Variants in ARHGEF40 observed in about 807,000 individuals in gnomAD.
ARHGEF40 encodes the protein Rho guanine nucleotide exchange factor (GEF) 40.
In ARHGEF40, 98 loss-of-function variants were observed where a neutral mutation model predicts 165.9. The ratio of observed to expected loss-of-function variants is 0.59; its 90% CI spans 0.50 to 0.70. The LOEUF (loss-of-function observed/expected upper bound fraction) is 0.70. Ranked by LOEUF, ARHGEF40 falls within the 30% of genes least tolerant of loss-of-function variation. ARHGEF40 has a pLI of 0.00. For synonymous variants in ARHGEF40, 792 were observed against 814.3 expected, an observed-to-expected ratio of 0.97 and a Z score of 0.47; for missense variants, 1,815 against 1,968.0, an observed-to-expected ratio of 0.92 and a Z score of 1.47.
chr14:21,064,342 C>T, the ARHGEF40 span, among the ~76,000 whole-genome samples: 1 of 151,932 alleles, frequency 6.6e-6, no homozygotes, highest in Non-Finnish European at 1.5e-5. Context: ...CTCTCTGTTG[C>T]CCAGGCTGCA....
chr14:21,084,007 G>A lies in ARHGEF40; in HGVS notation c.3746G>A (p.Arg1249His), dbSNP rs376973966. The A allele has an allele frequency of 1.6e-5, 25 of 1,612,212 alleles. No individual in the cohort carries two copies. Among genetic ancestry groups the A allele is most frequent in the Admixed American group, 5.0e-5 (3 of 59,910 alleles). ...AVQLLREQEA[R>H]GRDLLAVEAV... The stretch of plus-strand genomic sequence containing the variant: ...CAGCTGCTCCGGGAACAAGAGGCCC[G>A]TGGCAGAGACCTGCTGGCCGTGGAG... The change falls in exon 17 of 24, where the codon CGT becomes CAT. Residue 1249 changes from arginine to histidine, a missense_variant. Transcript: ENST00000298694.
Position 21,074,275 on chromosome 14 carries a change from T to C in ARHGEF40, c.545T>C (p.Ile182Thr). 1.2e-6 allele frequency: 2 copies of C among 1,614,112 alleles called. No individual in the cohort carries two copies. Among genetic ancestry groups the C allele is most frequent in the Non-Finnish European group, 1.7e-6 (2 of 1,180,024 alleles). ...CAGCGGCTGCCCTGGGCTGAGCTCATCTGTCCACGATTTGTGCACAAAGAG... is the reference window on the plus strand; with the variant it reads ...CAGCGGCTGCCCTGGGCTGAGCTCACCTGTCCACGATTTGTGCACAAAGAG... ...GIQRLPWAEL[I>T]CPRFVHKEGL... The change falls in exon 3 of 24, where the codon ATC becomes ACC. Residue 182 changes from isoleucine (I) to threonine (T), a missense_variant. By Grantham distance (89) the Ile-to-Thr change is moderately conservative (BLOSUM62 -1). Transcript: ENST00000298694. This position sits in a 1 kb window ranked among gnomAD's most constrained non-coding sequence, Gnocchi z 4.8.
In ARHGEF40 at chr14:21,070,390, C is replaced by T; in HGVS notation, c.-7C>T. On this transcript the variant is annotated 5_prime_UTR_variant, in exon 1 of 24. Coordinates refer to ENST00000298694, the MANE Select transcript of ARHGEF40 (RefSeq NM_018071.5). This position sits in a 1 kb window ranked among gnomAD's most constrained non-coding sequence, Gnocchi z 4.7. ...ACCAAGCGTCGGACGCGGCCCGGCG[C>T]CGAGCCATGGTGAGTCCAGCGTCGC... 1.4e-6 allele frequency: 2 copies of T among 1,413,150 alleles called. No homozygotes were observed. The highest frequency in any genetic ancestry group is 9.2e-7 in the Non-Finnish European group (1 of 1,092,482). 87.5% of individuals were successfully genotyped at this position (1,413,150 alleles called of 1,614,324 possible).
At position 21,090,157 on chromosome 14, in the gene ARHGEF40, CTACAGGGCCCCTGATGGGGCTAGAAGGG is replaced by C; in HGVS notation, c.*1155_*1182del. The C allele has an allele frequency of 2.0e-6, 1 of 494,588 alleles. No homozygotes were observed. Among genetic ancestry groups the C allele is most frequent in the Non-Finnish European group, 3.9e-6 (1 of 254,058 alleles). The allele number at this position is 494,588 out of a possible 1,614,324, so 30.6% of individuals were successfully genotyped here. ...GGAATCGTACCAAAAATAGCGACGTCTACAGGGCCCCTGATGGGGCTAGAAGGGTACAGTGCCCCCCACCCTCACCCCT... is the reference window on the plus strand; with the variant it reads ...GGAATCGTACCAAAAATAGCGACGTCTACAGTGCCCCCCACCCTCACCCCT... On this transcript the variant is annotated 3_prime_UTR_variant, in exon 24 of 24. Transcript: ENST00000298694. This position sits in a 1 kb window ranked among gnomAD's most constrained non-coding sequence, Gnocchi z 4.4.
intron 22 of ARHGEF40, 30 bp from the exon 23 acceptor site, chr14:21,088,800 C>T: frequency 6.6e-7 from 1 of 1,524,196 alleles, no homozygotes; most frequent in Non-Finnish European, 8.8e-7. Flanking sequence ...AAATATGTCC[C>T]TAAATTCACT....
chr14:21,075,755 T>C lies in ARHGEF40; in HGVS notation c.1729T>C (p.Ser577Pro). Residue 577 changes from serine to proline, a missense_variant, in exon 5 of 24, where the codon TCA becomes CCA. By Grantham distance (74) the Ser-to-Pro change is moderately conservative. Transcript: ENST00000298694. This position sits in a 1 kb window ranked among gnomAD's most constrained non-coding sequence, Gnocchi z 4.5. ...GAACACAACTCTTCATTACCTCCAC[T>C]CACTGCTCAGGTAACCGAGGCCCAG... is the stretch of plus-strand genomic sequence containing the variant. ...TLNTTLHYLH[S>P]LLRPDLQTLG... is the part of the protein sequence containing the mutation. 6.2e-7 allele frequency: 1 copy of C among 1,613,084 alleles called. No homozygotes were observed. Among genetic ancestry groups the C allele is most frequent in the Non-Finnish European group, 8.5e-7 (1 of 1,179,780 alleles).
rs1888115922 is a variant in ARHGEF40, at chr14:21,083,735, C to T, written c.3574-100C>T. On this transcript the variant is annotated intron_variant, in intron 16 of 23. Transcript: ENST00000298694. ...AGGGAGCATCTGGGCTTCATCTATACCCAAAAGCCTAGGGTATCACCCACC... is the reference window on the plus strand; with the variant it reads ...AGGGAGCATCTGGGCTTCATCTATATCCAAAAGCCTAGGGTATCACCCACC... 2.7e-6 allele frequency: 3 copies of T among 1,112,346 alleles called. No individual in the cohort carries two copies. The South Asian group carries it at 4.7e-5, about 18-fold the overall frequency. 68.9% of individuals were successfully genotyped at this position (1,112,346 alleles called of 1,614,324 possible). A position where few individuals can be genotyped will look rare whatever the true frequency, so the allele number is the denominator to read the frequency against.
At position 21,087,363 on chromosome 14, in the gene ARHGEF40, T is replaced by C. The variant is rs754393813; in HGVS notation, c.4287T>C (p.His1429=). ...RASVAVSSFE[H]AGPSLPGLSP... The stretch of plus-strand genomic sequence containing the variant: ...CCGTGGCCGTGTCATCCTTTGAGCA[T>C]GCCGGCCCCTCCCTTCCCGGCCTTT... The change falls in exon 21 of 24, where the codon CAT becomes CAC. Residue 1429 remains histidine, a synonymous_variant. Coordinates refer to ENST00000298694, the MANE Select transcript of ARHGEF40 (RefSeq NM_018071.5). The C allele has an allele frequency of 6.2e-7, 1 of 1,605,628 alleles. No individual in the cohort carries two copies. The highest frequency in any genetic ancestry group is 2.2e-5 in the East Asian group (1 of 44,864).
chr14:21,085,621 C>A, intron 18 of ARHGEF40, 68 bp from the exon 19 acceptor site: 1 of 1,551,550 alleles, frequency 6.4e-7, no homozygotes, highest in Non-Finnish European at 8.7e-7. Flanking sequence ...AAGCCCAGTG[C>A]TTGCCATGTG....
rs565935126 is a variant in ARHGEF40 at position 21,082,593 on chromosome 14, C to G, written c.3486+115C>G. 30 of 1,272,000 alleles carry G rather than the reference C, an allele frequency of 2.4e-5. No individual in the cohort carries two copies. In the African/African-American group the frequency reaches 4.4e-4, roughly 19 times the overall value. The allele number at this position is 1,272,000 out of a possible 1,614,324, so 78.8% of individuals were successfully genotyped here. On this transcript the variant is annotated intron_variant, in intron 15 of 23. Coordinates refer to ENST00000298694, the MANE Select transcript of ARHGEF40 (RefSeq NM_018071.5). ...TCTCCTCCCATGTGTGGTCCATGAC[C>G]TTGGGGCCCAGCCCTGTTCTGTGGG...
rs966097048 is a variant in ARHGEF40, at chr14:21,081,666, C to T, written c.2798C>T (p.Ala933Val). The T allele has an allele frequency of 6.2e-7, 1 of 1,600,580 alleles. No individual in the cohort carries two copies. The highest frequency in any genetic ancestry group is 1.7e-5 in the Admixed American group (1 of 57,738). Reference sequence around the variant, plus strand: ...CTGGCCCTGGACCTGGGCAGCCCAGCAGCCCTGCGAGAATGGGGCCGCTGC... The same window carrying T: ...CTGGCCCTGGACCTGGGCAGCCCAGTAGCCCTGCGAGAATGGGGCCGCTGC... ...RALALDLGSPAALREWGRCQA... is the reference protein window; with the variant it reads ...RALALDLGSPVALREWGRCQA... Residue 933 changes from alanine to valine, a missense_variant, in exon 14 of 24, where the codon GCA (alanine) becomes GTA (valine). Ala to Val is a moderately conservative substitution (Grantham distance 64). Coordinates refer to ENST00000298694, the MANE Select transcript of ARHGEF40 (RefSeq NM_018071.5).
intron 1 of ARHGEF40, among the ~76,000 whole-genome samples, chr14:21,071,191 G>A (rs1886805097): frequency 6.6e-6 from 1 of 152,206 alleles, no homozygotes; most frequent in Admixed American, 6.5e-5. Context: ...GCAACTTGGG[G>A]CGCTGGACGC....
At chr14:21,083,797 C>T in intron 16 of ARHGEF40, 38 bp from the exon 17 acceptor site, 1 of 1,587,446 alleles carries the variant, frequency 6.3e-7, no homozygotes. Flanking sequence ...CCAGAGGCTC[C>T]ACCCCTCCCC....
chr14:21,082,954 A>C (rs771313047), intron 16 of ARHGEF40, 37 bp downstream of exon 16: 6 of 1,597,506 alleles, frequency 3.8e-6, no homozygotes, highest in Non-Finnish European at 5.1e-6. Context: ...AAAAGTAGAG[A>C]GGCCAGAAAG....
In ARHGEF40 at chr14:21,077,460, G is replaced by A. The variant is rs369753410; in HGVS notation, c.2034+570G>A. 3.9e-5 allele frequency among the ~76,000 whole-genome samples: 6 copies of A among 152,062 alleles called. 1 individual carries two copies. The highest frequency in any genetic ancestry group is 1.4e-4 in the African/African-American group (6 of 41,476). ...TGACATTAAGTAGTGTATGATTTTTGGTGGGAGATAAATCATGAAACAAGT... is the reference window on the plus strand; with the variant it reads ...TGACATTAAGTAGTGTATGATTTTTAGTGGGAGATAAATCATGAAACAAGT... On this transcript the variant is annotated intron_variant, in intron 8 of 23. Transcript: ENST00000298694.
In ARHGEF40 at chr14:21,070,858, C is replaced by A. The variant is rs1886744730; in HGVS notation, c.3+459C>A. On this transcript the variant is annotated intron_variant, in intron 1 of 23. Coordinates refer to ENST00000298694, the MANE Select transcript of ARHGEF40 (RefSeq NM_018071.5). The surrounding 1 kb of genome is among the most constrained non-coding windows in gnomAD (Gnocchi z 4.7). ...TGGAACCACCATTTTCCATCCCTGTCCCCAACCCGGTGAGGCAGGCCCACC... is the reference window on the plus strand; with the variant it reads ...TGGAACCACCATTTTCCATCCCTGTACCCAACCCGGTGAGGCAGGCCCACC... 1 of 1,535,658 alleles carries A rather than the reference C, an allele frequency of 6.5e-7. No homozygotes were observed. Among genetic ancestry groups the A allele is most frequent in the South Asian group, 1.2e-5 (1 of 84,066 alleles).
In ARHGEF40 at chr14:21,075,729, T is replaced by C; in HGVS notation, c.1703T>C (p.Leu568Pro). ...GAGCCCCCACCCTCCCGAGACACGCTGAACACAACTCTTCATTACCTCCAC... is the reference window on the plus strand; with the variant it reads ...GAGCCCCCACCCTCCCGAGACACGCCGAACACAACTCTTCATTACCTCCAC... ...PEEPPPSRDTLNTTLHYLHSL... is the reference protein window; with the variant it reads ...PEEPPPSRDTPNTTLHYLHSL... Residue 568 changes from leucine (L) to proline (P), a missense_variant, in exon 5 of 24, where the codon CTG becomes CCG. Leu to Pro is a moderately conservative substitution (Grantham distance 98, BLOSUM62 -3). Transcript: ENST00000298694. The surrounding 1 kb of genome is among the most constrained non-coding windows in gnomAD (Gnocchi z 4.5). 1.2e-6 allele frequency: 2 copies of C among 1,613,580 alleles called. No individual in the cohort carries two copies. The highest frequency in any genetic ancestry group is 1.7e-6 in the Non-Finnish European group (2 of 1,179,942).
At position 21,070,757 on chromosome 14, in the gene ARHGEF40, G is replaced by T; in HGVS notation, c.3+358G>T. On this transcript the variant is annotated intron_variant, in intron 1 of 23. Coordinates refer to ENST00000298694, the MANE Select transcript of ARHGEF40 (RefSeq NM_018071.5). This position sits in a 1 kb window ranked among gnomAD's most constrained non-coding sequence, Gnocchi z 4.7. ...CTCCTGGTCCGAGCTCCTTACCCGC[G>T]GGAGACCCCTGCGGGTTGGTCCTGC... The T allele has an allele frequency of 6.7e-7, 1 of 1,484,494 alleles. No homozygotes were observed. The highest frequency in any genetic ancestry group is 9.1e-7 in the Non-Finnish European group (1 of 1,101,338). 92.0% of individuals were successfully genotyped at this position (1,484,494 alleles called of 1,614,324 possible). A position where few individuals can be genotyped will look rare whatever the true frequency, so the allele number is the denominator to read the frequency against.
intron 13 of ARHGEF40, 199 bp downstream of exon 13, chr14:21,081,215 T>A: frequency 1.1e-6 from 1 of 901,532 alleles, no homozygotes; most frequent in Non-Finnish European, 1.6e-6. Flanking sequence ...TAGATCTACC[T>A]CACAGGGCTG....
Sources: gnomAD v4.1 joint callset for allele counts (sites outside exome capture counted in the v4.1 genomes callset) on GRCh38, gnomAD v4.1.1 for gene constraint, Gnocchi (gnomAD v3.1) non-coding constraint, MANE v1.5 for transcripts, NCBI Gene and HGNC (gene_info 2026-07-23, HGNC 2026-07-21) for gene names.